The following TSBP1 variants were observed in gnomAD, a reference collection of about 807,000 sequenced individuals.
The protein encoded by TSBP1 is testis expressed basic protein 1, also known as testis-expressed basic protein 1.
TSBP1 carries 56 observed loss-of-function variants against 68.8 expected under a neutral mutation model. The observed-to-expected ratio is 0.81, with a 90% confidence interval of 0.66 to 1.02. TSBP1 has a LOEUF of 1.02. Among genes scored for constraint, TSBP1 ranks in the 50% least tolerant of loss-of-function variants. The probability of loss-of-function intolerance (pLI) is 0.00; values close to 1 mark genes in which losing one functional copy is unlikely to be tolerated. For missense variants in TSBP1, 502 were observed against 641.2 expected, an observed-to-expected ratio of 0.78 and a Z score of 2.34; for synonymous variants, 171 against 208.7, an observed-to-expected ratio of 0.82 and a Z score of 1.56.
In TSBP1 at chr6:32,340,235, AACCAATCATATTTT is replaced by A. The variant is rs1335428030; in HGVS notation, c.350-611_350-598del. ...CTCTGTTGCTTCTGTCTTGAGAAAT[AACCAATCATATTTT>A]AAGATGTTGAAAATTTTGCAATTTT... On this transcript the variant is annotated intron_variant, in intron 9 of 22. Coordinates refer to ENST00000612031, the Ensembl canonical transcript of TSBP1. This position sits in a 1 kb window ranked among gnomAD's most constrained non-coding sequence, Gnocchi z 4.8. 6.6e-6 allele frequency among the ~76,000 whole-genome samples: 1 copy of A among 152,222 alleles called. No individual in the cohort carries two copies. The highest frequency in any genetic ancestry group is 1.5e-5 in the Non-Finnish European group (1 of 68,044).
chr6:32,329,259 A>C (rs1442051209), intron 16 of TSBP1, among the ~76,000 whole-genome samples: 1 of 152,162 alleles, frequency 6.6e-6, no homozygotes, highest in Non-Finnish European at 1.5e-5. Flanking sequence ...AGGGAAAGGG[A>C]ATTCATGTAT....
At chr6:32,293,855 T>A in exon 23 of TSBP1, 5 of 1,613,052 alleles carry the variant, frequency 3.1e-6, no homozygotes, top group Non-Finnish European at 4.2e-6. Context: ...TCTTTCTGGC[T>A]CCTTTATGTG....
rs1029997060 is a variant in TSBP1, at chr6:32,340,666, G to A, written c.350-1028C>T. 5.9e-5 allele frequency among the ~76,000 whole-genome samples: 9 copies of A among 152,190 alleles called. No homozygotes were observed. Among genetic ancestry groups the A allele is most frequent in the African/African-American group, 1.9e-4 (8 of 41,434 alleles). ...AAGAATTTTAGGATACATGTGAGCT[G>A]AGCAGGAAAGAGAATCATGATAAAT... On this transcript the variant is annotated intron_variant, in intron 9 of 22. Coordinates refer to ENST00000612031, the Ensembl canonical transcript of TSBP1. The surrounding 1 kb of genome is among the most constrained non-coding windows in gnomAD (Gnocchi z 4.8).
At chr6:32,360,120 T>C (rs760794058) in intron 6 of TSBP1, among the ~76,000 whole-genome samples, 1 of 152,174 alleles carries the variant, frequency 6.6e-6, no homozygotes, top group South Asian at 2.1e-4. Context: ...ATGCTGTACA[T>C]TGGGTCTACA....
In TSBP1 at chr6:32,355,185, G is replaced by A. The variant is rs375929011; in HGVS notation, c.239-41C>T. 11 of 1,602,408 alleles carry A rather than the reference G, an allele frequency of 6.9e-6. No homozygotes were observed. The African/African-American group carries it at 1.2e-4, about 18-fold the overall frequency. On this transcript the variant is annotated intron_variant, in intron 7 of 22. Transcript: ENST00000612031. ...AGAAAACATGAGGTGAATCATGAGA[G>A]TTTGGATCCCTAATCTTTACATATC...
Position 32,315,560 on chromosome 6 carries a change from T to TCAAAA in TSBP1, c.580+207_580+211dup, listed in dbSNP as rs1303467314. On this transcript the variant is annotated intron_variant, in intron 19 of 22. Coordinates refer to ENST00000612031, the Ensembl canonical transcript of TSBP1. This position sits in a 1 kb window ranked among gnomAD's most constrained non-coding sequence, Gnocchi z 5.4. The stretch of plus-strand genomic sequence containing the variant: ...CTGTGTGACAGAGTGAGACTCTGTC[T>TCAAAA]CAAAACAAAACAAAACAAAAAAACC... Among the ~76,000 whole-genome samples, 4 of 152,228 alleles carry TCAAAA rather than the reference T, an allele frequency of 2.6e-5. No individual in the cohort carries two copies. The highest frequency in any genetic ancestry group is 1.9e-4 in the East Asian group (1 of 5,188).
intron 19 of TSBP1, among the ~76,000 whole-genome samples, chr6:32,311,086 C>G (rs573936465): frequency 2.0e-5 from 3 of 151,980 alleles, no homozygotes; most frequent in African/African-American, 7.3e-5. Context: ...TTGAGTGCTG[C>G]GAGACCCCCC....
intron 22 of TSBP1, among the ~76,000 whole-genome samples, chr6:32,297,676 C>T (rs1020499851): frequency 3.9e-5 from 6 of 152,172 alleles, no homozygotes; most frequent in Non-Finnish European, 2.9e-5. Context: ...ATAAGAGACT[C>T]AGTTTGCTGG....
chr6:32,354,041 ACT>A (rs1293956141), intron 8 of TSBP1, among the ~76,000 whole-genome samples: 1 of 151,960 alleles, frequency 6.6e-6, no homozygotes, highest in Non-Finnish European at 1.5e-5. Context: ...AAAAGCAGAA[ACT>A]CTAAAAGAAA....
rs1168426311 is a variant in TSBP1 at position 32,361,639 on chromosome 6, A to AT, written c.217+4527dup. Among the ~76,000 whole-genome samples, 1 of 151,728 alleles carries AT rather than the reference A, an allele frequency of 6.6e-6. No homozygotes were observed. Among genetic ancestry groups the AT allele is most frequent in the East Asian group, 1.9e-4 (1 of 5,164 alleles). On this transcript the variant is annotated intron_variant, in intron 6 of 22. Transcript: ENST00000612031. The surrounding 1 kb of genome is among the most constrained non-coding windows in gnomAD (Gnocchi z 4.3). ...TCTCTGATGGCCAGTGATGATGAGTATTTTTTCATATGTCTGTTGGCTGCG... is the reference window on the plus strand; with the variant it reads ...TCTCTGATGGCCAGTGATGATGAGTATTTTTTTCATATGTCTGTTGGCTGCG...
At chr6:32,328,539 C>T (rs12528615) in intron 16 of TSBP1, among the ~76,000 whole-genome samples, 51,077 of 151,898 alleles carry the variant, frequency 0.34, 9,648 homozygotes, top group Middle Eastern at 0.52. Context: ...CCTCAGCCTC[C>T]CAAGTAGCTG....
In TSBP1 at chr6:32,336,592, G is replaced by A. The variant is rs1175784096; in HGVS notation, c.430+23C>T. The A allele has an allele frequency of 6.2e-7, 1 of 1,606,216 alleles. No individual in the cohort carries two copies. Among genetic ancestry groups the A allele is most frequent in the Non-Finnish European group, 8.5e-7 (1 of 1,173,830 alleles). On this transcript the variant is annotated intron_variant, in intron 12 of 22. Transcript: ENST00000612031. This position sits in a 1 kb window ranked among gnomAD's most constrained non-coding sequence, Gnocchi z 5.2. The stretch of plus-strand genomic sequence containing the variant: ...GGTCAGATATCAAAGGGACCAGAGT[G>A]GAAAAACAAACTTGATACTTACGAA...
chr6:32,329,833 T>G (rs533372459), intron 16 of TSBP1, among the ~76,000 whole-genome samples: 7 of 152,314 alleles, frequency 4.6e-5, no homozygotes, highest in African/African-American at 1.7e-4. Context: ...AGATTCAGAA[T>G]TTCCCGTGTC....
At chr6:32,348,406 C>G (rs1308652775) in intron 9 of TSBP1, among the ~76,000 whole-genome samples, 1 of 135,548 alleles carries the variant, frequency 7.4e-6, no homozygotes, top group Non-Finnish European at 1.7e-5. Context: ...GTATATACAA[C>G]AAAACAGCCT....
intron 18 of TSBP1, among the ~76,000 whole-genome samples, chr6:32,317,972 TA>T: frequency 6.6e-6 from 1 of 152,176 alleles, no homozygotes; most frequent in East Asian, 1.9e-4. Context: ...CCCAAAGTAA[TA>T]AAAATTGTTC....
chr6:32,309,426 T>C (rs934219946), intron 19 of TSBP1, among the ~76,000 whole-genome samples: 6 of 152,180 alleles, frequency 3.9e-5, no homozygotes, highest in African/African-American at 1.4e-4. Flanking sequence ...CCTTTGATAA[T>C]TCTTTCACTG....
rs376472977 is a variant in TSBP1, at chr6:32,300,212, T to A, written c.623-276A>T. Reference sequence around the variant, plus strand: ...TTCAAACTATTGTATTTCCTGCCTTTCTTTGTTCTTTGATAAGTCTTTCAT... The same window carrying A: ...TTCAAACTATTGTATTTCCTGCCTTACTTTGTTCTTTGATAAGTCTTTCAT... On this transcript the variant is annotated intron_variant, in intron 21 of 22. Coordinates refer to ENST00000612031, the Ensembl canonical transcript of TSBP1. Among the ~76,000 whole-genome samples, 20 of 152,354 alleles carry A rather than the reference T, an allele frequency of 1.3e-4. No homozygotes were observed. In the East Asian group the frequency reaches 2.1e-3, roughly 16 times the overall value.
At chr6:32,355,736 T>TACAGAGGA in intron 6 of TSBP1, 67 bp from the exon 7 acceptor site, 1 of 1,537,976 alleles carries the variant, frequency 6.5e-7, no homozygotes, top group Non-Finnish European at 8.7e-7. Flanking sequence ...TTGGTATCAC[T>TACAGAGGA]ACAGAGGATT....
intron 15 of TSBP1, 24 bp from the exon 17 acceptor site, chr6:32,330,633 TAAAC>T (rs1768883804): frequency 7.4e-7 from 1 of 1,353,744 alleles, no homozygotes; most frequent in Non-Finnish European, 9.8e-7. Context: ...ACAAACAAAT[TAAAC>T]ACACACACAC....
Sources: allele counts gnomAD v4.1 joint callset (sites outside exome capture counted in the v4.1 genomes callset), GRCh38; gene constraint gnomAD v4.1.1; non-coding constraint Gnocchi (gnomAD v3.1); transcripts MANE v1.5; gene names NCBI Gene and HGNC (gene_info 2026-07-23, HGNC 2026-07-21).